Variants in PRKG1 observed in about 807,000 individuals in gnomAD.
PRKG1 encodes protein kinase cGMP-dependent 1.
PRKG1 carries 35 observed loss-of-function variants against 88.1 expected under a neutral mutation model. The observed-to-expected ratio is 0.40, with a 90% CI of 0.30 to 0.53. PRKG1 has a LOEUF of 0.53. Among genes scored for constraint, PRKG1 ranks in the 20% least tolerant of loss-of-function variants. The pLI, the probability that PRKG1 is intolerant of heterozygous loss-of-function variation, is 0.59. For missense variants in PRKG1, 540 were observed against 839.8 expected (o/e 0.64, Z 4.41); for synonymous variants, 303 against 292.5 (o/e 1.04, Z -0.37).
chr10:51,554,091 GTATATATTATA>G, intron 3 of PRKG1, among the ~76,000 whole-genome samples: 2 of 135,416 alleles, frequency 1.5e-5, no homozygotes, highest in African/African-American at 6.1e-5. Context: ...TGTGATACGT[GTATATATTATA>G]TGTGCGTATG....
chr10:51,122,048 CA>C (rs1404435129), intron 1 of PRKG1, among the ~76,000 whole-genome samples: 2 of 152,192 alleles, frequency 1.3e-5, no homozygotes, highest in African/African-American at 4.8e-5. Flanking sequence ...GTACCCCTAG[CA>C]TCATGTCGCT....
At chr10:51,428,404 G>A (rs1386640190) in intron 2 of PRKG1, among the ~76,000 whole-genome samples, 1 of 152,068 alleles carries the variant, frequency 6.6e-6, no homozygotes, top group Non-Finnish European at 1.5e-5. Context: ...ACTAAATCTT[G>A]ATGAAGCCAT....
At chr10:51,530,228 C>A (rs544182608) in intron 3 of PRKG1, among the ~76,000 whole-genome samples, 2 of 152,096 alleles carry the variant, frequency 1.3e-5, no homozygotes, top group Admixed American at 1.3e-4. Context: ...ATAAGAATAT[C>A]ATTATTTATC....
intron 3 of PRKG1, among the ~76,000 whole-genome samples, chr10:51,663,723 A>C (rs12414344): frequency 0.077 from 11,418 of 147,872 alleles, 575 homozygotes; most frequent in Admixed American, 0.12. Flanking sequence ...AAAAAAAAAA[A>C]ACACACCTGA....
chr10:51,839,344 G>A (rs1166548885), intron 4 of PRKG1, among the ~76,000 whole-genome samples: 2 of 152,168 alleles, frequency 1.3e-5, no homozygotes, highest in African/African-American at 4.8e-5. Context: ...TAGCGTAGAA[G>A]CCAACAAATA....
chr10:52,204,245 G>T (rs540399112), intron 9 of PRKG1, among the ~76,000 whole-genome samples: 1 of 152,116 alleles, frequency 6.6e-6, no homozygotes, highest in East Asian at 1.9e-4. Context: ...TTACAGGCAT[G>T]TGCCACTTGC....
At chr10:51,368,526 T>G (rs1042678846) in intron 2 of PRKG1, among the ~76,000 whole-genome samples, 2 of 152,078 alleles carry the variant, frequency 1.3e-5, no homozygotes, top group Non-Finnish European at 2.9e-5. Flanking sequence ...TCTCACACAT[T>G]GGGTTTATAT....
chr10:52,081,758 A>G (rs1846781729), intron 7 of PRKG1: 1 of 448,142 alleles, frequency 2.2e-6, no homozygotes, highest in African/African-American at 2.0e-5. Context: ...GGAATTTGCA[A>G]TTTTAAGTAG....
intron 5 of PRKG1, among the ~76,000 whole-genome samples, chr10:52,013,154 C>G (rs1589517210): frequency 6.6e-6 from 1 of 151,452 alleles, no homozygotes; most frequent in African/African-American, 2.4e-5. Context: ...TGCGGTGGCT[C>G]ACGCCTGTAA....
At chr10:52,053,045 A>G (rs1180030386) in intron 5 of PRKG1, among the ~76,000 whole-genome samples, 1 of 152,186 alleles carries the variant, frequency 6.6e-6, no homozygotes, top group African/African-American at 2.4e-5. Flanking sequence ...GTTAAATGAA[A>G]TAAATCAGTT....
At chr10:52,191,207 G>A (rs1175490393) in intron 9 of PRKG1, among the ~76,000 whole-genome samples, 3 of 152,136 alleles carry the variant, frequency 2.0e-5, no homozygotes, top group Non-Finnish European at 4.4e-5. Context: ...AGGCTGGAGT[G>A]CAGTGTCCTG....
chr10:51,165,261 A>C (rs1309187236), intron 2 of PRKG1, among the ~76,000 whole-genome samples: 1 of 152,194 alleles, frequency 6.6e-6, no homozygotes, highest in Non-Finnish European at 1.5e-5. Context: ...CTTAAAGAAA[A>C]GAATTTTCAA....
chr10:51,179,029 ATT>A lies in PRKG1; in HGVS notation c.478+25702_478+25703del, dbSNP rs563470678. On this transcript the variant is annotated intron_variant, in intron 2 of 17. Coordinates refer to ENST00000373980, the MANE Select transcript of PRKG1 (RefSeq NM_006258.4). The stretch of plus-strand genomic sequence containing the variant: ...GTTTTTATTATGTATGAGCAAATAT[ATT>A]TTGTTACTTCCATAAAGCACCCAGA... 5.3e-5 allele frequency among the ~76,000 whole-genome samples: 8 copies of A among 152,286 alleles called. No homozygotes were observed. The South Asian group carries it at 1.7e-3, about 32-fold the overall frequency.
intron 9 of PRKG1, among the ~76,000 whole-genome samples, chr10:52,201,881 A>C (rs1468813161): frequency 1.3e-5 from 2 of 152,030 alleles, no homozygotes; most frequent in Non-Finnish European, 2.9e-5. Flanking sequence ...ATAGAAATGC[A>C]ACTGATATAT....
chr10:52,172,397 C>T (rs181884094), intron 9 of PRKG1, among the ~76,000 whole-genome samples: 17 of 152,278 alleles, frequency 1.1e-4, no homozygotes, highest in African/African-American at 3.9e-4. Flanking sequence ...TTGAAAATTA[C>T]TTTCAAAACG....
At chr10:51,287,468 T>G (rs1840471738) in intron 2 of PRKG1, among the ~76,000 whole-genome samples, 1 of 152,218 alleles carries the variant, frequency 6.6e-6, no homozygotes, top group African/African-American at 2.4e-5. Flanking sequence ...GATCATGTCC[T>G]GGGGACAGAG....
intron 1 of PRKG1, among the ~76,000 whole-genome samples, chr10:51,058,059 G>A (rs578127912): frequency 1.3e-5 from 2 of 152,240 alleles, no homozygotes; most frequent in African/African-American, 4.8e-5. Context: ...TTGGGTAGAT[G>A]TGTGAGATTG....
intron 1 of PRKG1, among the ~76,000 whole-genome samples, chr10:51,121,772 A>G (rs1845266218): frequency 6.6e-6 from 1 of 152,202 alleles, no homozygotes; most frequent in Non-Finnish European, 1.5e-5. Context: ...CCATCAGTAC[A>G]TCATTCACAA....
At chr10:51,601,656 T>C (rs1246346713) in intron 3 of PRKG1, among the ~76,000 whole-genome samples, 1 of 151,512 alleles carries the variant, frequency 6.6e-6, no homozygotes, top group East Asian at 1.9e-4. Context: ...AGGAGGTTTC[T>C]GTTTTCTTTT....
Sources: gnomAD v4.1 joint callset for allele counts (sites outside exome capture counted in the v4.1 genomes callset) on GRCh38, gnomAD v4.1.1 for gene constraint, MANE v1.5 for transcripts, NCBI Gene and HGNC (gene_info 2026-07-23, HGNC 2026-07-21) for gene names.